Variants in ACSM2A observed in about 807,000 individuals in gnomAD.
The protein encoded by ACSM2A is acyl-coenzyme A synthetase ACSM2A, mitochondrial.
A neutral mutation model predicts 76.6 loss-of-function variants in ACSM2A; 72 were observed. The ratio of observed to expected loss-of-function variants is 0.94; its 90% CI spans 0.78 to 1.14. The LOEUF (loss-of-function observed/expected upper bound fraction) is 1.14. ACSM2A is among the 50% of genes most tolerant of loss of function. The probability of loss-of-function intolerance (pLI) is 0.00; values close to 1 mark genes in which losing one functional copy is unlikely to be tolerated. For missense variants in ACSM2A, 684 were observed against 708.5 expected (o/e 0.97, Z 0.39); for synonymous variants, 249 against 255.9 (o/e 0.97, Z 0.26).
chr16:20,473,694 G>T (rs2013554360), intron 6 of ACSM2A, among the ~76,000 whole-genome samples: 1 of 152,062 alleles, frequency 6.6e-6, no homozygotes, highest in African/African-American at 2.4e-5. Flanking sequence ...CATCTGAATG[G>T]ACTTCCTCCT....
At position 20,466,410 on chromosome 16, in the gene ACSM2A, A is replaced by C. The variant is rs374767188; in HGVS notation, c.388+683A>C. Among the ~76,000 whole-genome samples the C allele has an allele frequency of 7.8e-4, 118 of 152,246 alleles. 2 individuals carry two copies. In the South Asian group the frequency reaches 0.024, roughly 31 times the overall value. On this transcript the variant is annotated intron_variant, in intron 3 of 13. Coordinates refer to ENST00000573854, the MANE Select transcript of ACSM2A (RefSeq NM_001308172.2). ...AGGGAACAGCATATGTGAAGATGTAATTATCTGATGATTTCTTCTTGTCCA... is the reference window on the plus strand; with the variant it reads ...AGGGAACAGCATATGTGAAGATGTACTTATCTGATGATTTCTTCTTGTCCA...
chr16:20,475,510 G>T, intron 7 of ACSM2A, 69 bp downstream of exon 7: 4 of 1,605,716 alleles, frequency 2.5e-6, no homozygotes, highest in Middle Eastern at 1.7e-4. Flanking sequence ...ATACATTCAT[G>T]CCTATCTATC....
chr16:20,466,398 T>G (rs1162597858), intron 3 of ACSM2A, among the ~76,000 whole-genome samples: 4 of 152,116 alleles, frequency 2.6e-5, no homozygotes, highest in Non-Finnish European at 5.9e-5. Context: ...GAACAGCATA[T>G]GTGAAGATGT....
At chr16:20,457,169 TCAA>T (rs922597386) in intron 1 of ACSM2A, among the ~76,000 whole-genome samples, 20 of 151,330 alleles carry the variant, frequency 1.3e-4, no homozygotes, top group African/African-American at 2.4e-4. Context: ...ACAAAAATTA[TCAA>T]CAACAACAAC....
At chr16:20,459,197 G>C (rs2012450240) in intron 1 of ACSM2A, among the ~76,000 whole-genome samples, 3 of 151,966 alleles carry the variant, frequency 2.0e-5, no homozygotes, top group Admixed American at 1.3e-4. Context: ...TGGGTTAAGT[G>C]TATACTGTAA....
intron 1 of ACSM2A, among the ~76,000 whole-genome samples, chr16:20,458,769 A>G (rs1176076921): frequency 1.4e-5 from 2 of 143,164 alleles, no homozygotes; most frequent in Non-Finnish European, 3.1e-5. Context: ...GAAGAAAGGC[A>G]CAGGAGTGTG....
At chr16:20,461,414 G>A (rs1313579812) in intron 2 of ACSM2A, among the ~76,000 whole-genome samples, 3 of 152,128 alleles carry the variant, frequency 2.0e-5, no homozygotes, top group Admixed American at 2.0e-4. Flanking sequence ...AAATATTCAG[G>A]AAGGCCCTTA....
intron 3 of ACSM2A, among the ~76,000 whole-genome samples, chr16:20,467,396 A>C (rs778056411): frequency 2.6e-5 from 4 of 151,802 alleles, no homozygotes; most frequent in African/African-American, 9.7e-5. Context: ...ACTGAGTGAC[A>C]TGATCCTCCT....
At chr16:20,461,700 T>A (rs992901834) in intron 2 of ACSM2A, among the ~76,000 whole-genome samples, 1 of 152,122 alleles carries the variant, frequency 6.6e-6, no homozygotes, top group African/African-American at 2.4e-5. Flanking sequence ...AATATAAAAA[T>A]TTCTCACCCT....
intron 8 of ACSM2A, chr16:20,476,515 G>A: frequency 1.0e-6 from 1 of 985,384 alleles, no homozygotes; most frequent in African/African-American, 1.7e-5. Flanking sequence ...GAAGAGCTCT[G>A]CAAATATGAA....
At chr16:20,477,661 G>C (rs1407106156) in intron 9 of ACSM2A, among the ~76,000 whole-genome samples, 2 of 152,122 alleles carry the variant, frequency 1.3e-5, no homozygotes, top group Non-Finnish European at 2.9e-5. Context: ...CCATCCAGAA[G>C]GACCCACTTT....
At chr16:20,456,952 T>G (rs182812327) in intron 1 of ACSM2A, among the ~76,000 whole-genome samples, 51 of 147,108 alleles carry the variant, frequency 3.5e-4, no homozygotes, top group Non-Finnish European at 6.9e-4. Context: ...ATAAGCTCAA[T>G]TAGAAAGGAA....
chr16:20,478,514 T>C (rs1354866320), intron 9 of ACSM2A, 62 bp from the exon 10 acceptor site: 11 of 1,571,424 alleles, frequency 7.0e-6, no homozygotes, highest in East Asian at 4.5e-5. Flanking sequence ...AGCAATCTCA[T>C]GATGCCATTG....
chr16:20,458,485 T>C (rs137901251), intron 1 of ACSM2A, among the ~76,000 whole-genome samples: 10,373 of 145,250 alleles, frequency 0.071, 551 homozygotes, highest in East Asian at 0.19. Context: ...TATGTATTAT[T>C]ATATAATACA....
At position 20,475,758 on chromosome 16, in the gene ACSM2A, T is replaced by C. The variant is rs1384932474; in HGVS notation, c.1083T>C (p.Tyr361=). Reference sequence around the variant, plus strand: ...CAGGACTGGACATCCGAGAATCCTATGGCCAGACAGAAACGGTACCTGTTC... The same window carrying C: ...CAGGACTGGACATCCGAGAATCCTACGGCCAGACAGAAACGGTACCTGTTC... The part of the protein sequence containing the change: ...AQTGLDIRES[Y]GQTETGLTCM... The change falls in exon 8 of 14, where the codon TAT becomes TAC. Residue 361 remains tyrosine (Y), a synonymous_variant. Coordinates refer to ENST00000573854, the MANE Select transcript of ACSM2A (RefSeq NM_001308172.2). 1.2e-6 allele frequency: 2 copies of C among 1,613,954 alleles called. No individual in the cohort carries two copies. Among genetic ancestry groups the C allele is most frequent in the East Asian group, 2.2e-5 (1 of 44,880 alleles).
At chr16:20,475,931 G>C in intron 8 of ACSM2A, 158 bp downstream of exon 8, 1 of 1,466,288 alleles carries the variant, frequency 6.8e-7, no homozygotes, top group South Asian at 1.5e-5. Flanking sequence ...TGAAAATTCC[G>C]CACAGAACAA....
chr16:20,485,453 C>T (rs2014331862), intron 13 of ACSM2A, among the ~76,000 whole-genome samples: 1 of 152,218 alleles, frequency 6.6e-6, no homozygotes, highest in South Asian at 2.1e-4. Context: ...TGGATACCTC[C>T]TGTGGCTTTC....
rs1397269557 is a variant in ACSM2A at position 20,487,034 on chromosome 16, G to C, written c.*356G>C. On this transcript the variant is annotated 3_prime_UTR_variant, in exon 14 of 14. Coordinates refer to ENST00000573854, the MANE Select transcript of ACSM2A (RefSeq NM_001308172.2). Reference sequence around the variant, plus strand: ...AAGAGGAGATGAAAGGGGGAGAAAAGATAGAAGAAAAATAATTGAAGGGAG... The same window carrying C: ...AAGAGGAGATGAAAGGGGGAGAAAACATAGAAGAAAAATAATTGAAGGGAG... 5.8e-6 allele frequency: 1 copy of C among 173,408 alleles called. No homozygotes were observed. Among genetic ancestry groups the C allele is most frequent in the African/African-American group, 2.4e-5 (1 of 41,820 alleles). 10.7% of individuals were successfully genotyped at this position (173,408 alleles called of 1,614,324 possible). A position where few individuals can be genotyped will look rare whatever the true frequency, so the allele number is the denominator to read the frequency against.
intron 2 of ACSM2A, 41 bp downstream of exon 2, chr16:20,460,332 T>C (rs1311546423): frequency 9.3e-6 from 15 of 1,606,816 alleles, no homozygotes; most frequent in Non-Finnish European, 1.3e-5. Flanking sequence ...GACAATTTTG[T>C]TGACTTTTAA....
Sources: gnomAD v4.1 joint callset for allele counts (sites outside exome capture counted in the v4.1 genomes callset) on GRCh38, gnomAD v4.1.1 for gene constraint, MANE v1.5 for transcripts, NCBI Gene and HGNC (gene_info 2026-07-23, HGNC 2026-07-21) for gene names.